BLTP3B: variants seen among roughly 807,000 people sequenced by gnomAD.
The protein encoded by BLTP3B is bridge-like lipid transfer protein family member 3B.
At chr12:100,044,018 T>A in the BLTP3B span, among the ~76,000 whole-genome samples, 1 of 152,322 alleles carries the variant, frequency 6.6e-6, no homozygotes, top group Middle Eastern at 3.4e-3. Context: ...TATATGTGGT[T>A]CAGTCTCTTG....
the BLTP3B span, chr12:100,059,552 T>TA: frequency 6.4e-7 from 1 of 1,557,164 alleles, no homozygotes; most frequent in Non-Finnish European, 8.6e-7. Flanking sequence ...GAAGAAAAAT[T>TA]AATCTCATCC....
the BLTP3B span, among the ~76,000 whole-genome samples, chr12:100,121,569 G>A: frequency 6.6e-6 from 1 of 152,010 alleles, no homozygotes; most frequent in Non-Finnish European, 1.5e-5. Flanking sequence ...GGTGGCTCAA[G>A]CTTGTAATCC....
the BLTP3B span, chr12:100,086,370 A>C: frequency 2.0e-6 from 1 of 500,904 alleles, no homozygotes; most frequent in Non-Finnish European, 3.6e-6. Flanking sequence ...TGGGAAAAAA[A>C]AAGGGGGGGG....
chr12:100,123,133 G>A, the BLTP3B span, among the ~76,000 whole-genome samples: 1 of 152,138 alleles, frequency 6.6e-6, no homozygotes, highest in South Asian at 2.1e-4. Flanking sequence ...AGAGAGCAGG[G>A]ATCTTGTCCT....
chr12:100,142,461 G>T, the BLTP3B span: 1 of 1,008,578 alleles, frequency 9.9e-7, no homozygotes, highest in Non-Finnish European at 1.4e-6. Flanking sequence ...CTCTGCCCCG[G>T]CCAGAGCGGG....
the BLTP3B span, chr12:100,058,452 G>C: frequency 6.2e-7 from 1 of 1,613,226 alleles, no homozygotes; most frequent in Non-Finnish European, 8.5e-7. Flanking sequence ...ATCCTTTAAA[G>C]GGATATGGCT....
At chr12:100,085,996 T>TAACAG in the BLTP3B span, among the ~76,000 whole-genome samples, 2 of 152,092 alleles carry the variant, frequency 1.3e-5, no homozygotes, top group Non-Finnish European at 2.9e-5. Context: ...ATGTCCTCTG[T>TAACAG]ACCCTGATTT....
the BLTP3B span, among the ~76,000 whole-genome samples, chr12:100,116,609 A>ATC: frequency 1.3e-5 from 2 of 152,204 alleles, no homozygotes; most frequent in African/African-American, 2.4e-5. Flanking sequence ...TCTAAAGGAC[A>ATC]TCTACAAAAA....
chr12:100,130,301 C>T, the BLTP3B span, among the ~76,000 whole-genome samples: 1 of 152,084 alleles, frequency 6.6e-6, no homozygotes, highest in South Asian at 2.1e-4. Flanking sequence ...ACATTCAGAC[C>T]ACCTCTGTTT....
chr12:100,110,914 T>C, the BLTP3B span, among the ~76,000 whole-genome samples: 8 of 152,300 alleles, frequency 5.3e-5, no homozygotes, highest in South Asian at 2.1e-4. Flanking sequence ...ATTCTAACAT[T>C]TGACTATATA....
the BLTP3B span, among the ~76,000 whole-genome samples, chr12:100,110,480 G>A: frequency 1.3e-5 from 2 of 152,150 alleles, no homozygotes; most frequent in Non-Finnish European, 2.9e-5. Flanking sequence ...CAGAATATTA[G>A]AGCCAGAAGA....
At chr12:100,125,485 T>C in the BLTP3B span, among the ~76,000 whole-genome samples, 1 of 151,916 alleles carries the variant, frequency 6.6e-6, no homozygotes, top group Admixed American at 6.6e-5. Context: ...ACCCCATCTC[T>C]AGAAAAAATA....
At chr12:100,141,996 G>C in the BLTP3B span, among the ~76,000 whole-genome samples, 1 of 152,094 alleles carries the variant, frequency 6.6e-6, no homozygotes, top group African/African-American at 2.4e-5. Flanking sequence ...CCAAAGCTGC[G>C]AACTCTGCTT....
chr12:100,121,604 GCGGATCACCTGAGGT>G, the BLTP3B span, among the ~76,000 whole-genome samples: 7 of 152,108 alleles, frequency 4.6e-5, no homozygotes, highest in Non-Finnish European at 1.0e-4. Context: ...GCCAAGGAGG[GCGGATCACCTGAGGT>G]CGGGAGTTTG....
chr12:100,060,545 T>C, the BLTP3B span, among the ~76,000 whole-genome samples: 1 of 152,204 alleles, frequency 6.6e-6, no homozygotes, highest in African/African-American at 2.4e-5. Flanking sequence ...AGTGCTATGC[T>C]AGCAGGTTCT....
chr12:100,086,390 T>A, the BLTP3B span: 2 of 1,058,174 alleles, frequency 1.9e-6, no homozygotes, highest in South Asian at 1.4e-5. Context: ...GGGGAAATAT[T>A]AAGTCAATTA....
At chr12:100,129,517 T>A in the BLTP3B span, among the ~76,000 whole-genome samples, 1 of 152,206 alleles carries the variant, frequency 6.6e-6, no homozygotes, top group East Asian at 1.9e-4. Context: ...GTCCCTGGCT[T>A]CTAAAACATT....
At chr12:100,142,589 G>A in the BLTP3B span, 3 of 1,609,500 alleles carry the variant, frequency 1.9e-6, no homozygotes, top group African/African-American at 4.0e-5. Flanking sequence ...GGCGCTCACT[G>A]ACCTGGAGAG....
the BLTP3B span, among the ~76,000 whole-genome samples, chr12:100,089,874 T>A: frequency 6.6e-6 from 1 of 152,152 alleles, no homozygotes; most frequent in Non-Finnish European, 1.5e-5. Context: ...TGGTGGGAGA[T>A]AATTCAATCA....
Sources: allele counts gnomAD v4.1 joint callset (sites outside exome capture counted in the v4.1 genomes callset), GRCh38; gene constraint gnomAD v4.1.1; transcripts MANE v1.5; gene names NCBI Gene and HGNC (gene_info 2026-07-23, HGNC 2026-07-21).